The following LRP1B variants were observed in gnomAD, a reference collection of about 807,000 sequenced individuals.
LRP1B encodes LDL receptor related protein 1B.
LRP1B carries 217 observed loss-of-function variants against 556.6 expected under a neutral mutation model. The observed-to-expected ratio is 0.39, with a 90% CI of 0.35 to 0.44. The LOEUF (loss-of-function observed/expected upper bound fraction) is 0.44, where lower values mean the gene tolerates loss of function less well. Among genes scored for constraint, LRP1B ranks in the 20% least tolerant of loss-of-function variants. LRP1B has a pLI of 1.00. For missense variants in LRP1B, 5,053 were observed against 5,620.8 expected, an observed-to-expected ratio of 0.90 and a Z score of 3.23; for synonymous variants, 2,047 against 1,865.8, an observed-to-expected ratio of 1.10 and a Z score of -2.50.
At chr2:140,604,002 A>T (rs1223681676) in intron 41 of LRP1B, among the ~76,000 whole-genome samples, 1 of 152,042 alleles carries the variant, frequency 6.6e-6, no homozygotes, top group African/African-American at 2.4e-5. Context: ...TGAGATTCCT[A>T]AAACAGTTGA....
At position 141,492,783 on chromosome 2, in the gene LRP1B, A is replaced by G. The variant is rs557212954; in HGVS notation, c.206-12250T>C. On this transcript the variant is annotated intron_variant, in intron 2 of 90. Transcript: ENST00000389484. ...AGCTCAATTTAAAAGTCATAGGATG[A>G]TACAAACATTTAAATATACCAGTCC... is the stretch of plus-strand genomic sequence containing the variant. Among the ~76,000 whole-genome samples the G allele has an allele frequency of 9.2e-5, 14 of 152,294 alleles. No homozygotes were observed. In the South Asian group the frequency reaches 2.3e-3, roughly 25 times the overall value.
chr2:141,102,450 C>G (rs551330984), intron 7 of LRP1B, among the ~76,000 whole-genome samples: 1 of 151,992 alleles, frequency 6.6e-6, no homozygotes, highest in East Asian at 1.9e-4. Context: ...ATTATTGCAG[C>G]GACAAACATA....
chr2:140,700,141 T>A (rs973588943), intron 41 of LRP1B, 109 bp downstream of exon 41: 1 of 1,001,842 alleles, frequency 1.0e-6, no homozygotes, highest in Admixed American at 2.4e-5. Flanking sequence ...CATTCCTGAA[T>A]ATAAAATCTA....
At chr2:141,157,801 T>C (rs1702105720) in intron 7 of LRP1B, among the ~76,000 whole-genome samples, 1 of 152,152 alleles carries the variant, frequency 6.6e-6, no homozygotes, top group South Asian at 2.1e-4. Context: ...TTCCATGAAC[T>C]TAAGAATGAG....
chr2:141,128,535 A>G (rs553395462), intron 7 of LRP1B, among the ~76,000 whole-genome samples: 1 of 152,264 alleles, frequency 6.6e-6, no homozygotes, highest in East Asian at 1.9e-4. Flanking sequence ...CAACGCACCA[A>G]GTTTCTTCCA....
At chr2:142,070,640 C>T (rs1011610092) in intron 1 of LRP1B, among the ~76,000 whole-genome samples, 1 of 151,810 alleles carries the variant, frequency 6.6e-6, no homozygotes, top group African/African-American at 2.4e-5. Context: ...CACAGGTGCT[C>T]ACATTATAAA....
At chr2:140,865,244 T>A (rs1692912742) in intron 27 of LRP1B, among the ~76,000 whole-genome samples, 1 of 152,190 alleles carries the variant, frequency 6.6e-6, no homozygotes. Context: ...AAACTGGTGC[T>A]GAAACTTTTA....
Position 141,920,308 on chromosome 2 carries a change from T to C in LRP1B, c.83-109907A>G, listed in dbSNP as rs116373223. Among the ~76,000 whole-genome samples, 1,452 of 151,228 alleles carry C rather than the reference T, an allele frequency of 9.6e-3. 37 individuals carry two copies. Among genetic ancestry groups the C allele is most frequent in the African/African-American group, 0.033 (1,365 of 40,988 alleles). On this transcript the variant is annotated intron_variant, in intron 1 of 90. Coordinates refer to ENST00000389484, the MANE Select transcript of LRP1B (RefSeq NM_018557.3). ...GGGGGGTGGTAGGGATAATCATTTA[T>C]TTCAAACTTTAATAACAGTCATTAA... is the stretch of plus-strand genomic sequence containing the variant.
At chr2:140,407,187 A>C (rs1684777317) in intron 66 of LRP1B, among the ~76,000 whole-genome samples, 1 of 152,164 alleles carries the variant, frequency 6.6e-6, no homozygotes, top group African/African-American at 2.4e-5. Context: ...TACAAAAATC[A>C]GTTCAAGAGG....
chr2:141,951,238 C>A (rs1050264151), intron 1 of LRP1B, among the ~76,000 whole-genome samples: 1 of 151,892 alleles, frequency 6.6e-6, no homozygotes, highest in South Asian at 2.1e-4. Flanking sequence ...TTTTTGGTTA[C>A]ATAGTTAAGT....
chr2:141,976,923 A>C (rs560956080), intron 1 of LRP1B, among the ~76,000 whole-genome samples: 2 of 152,320 alleles, frequency 1.3e-5, no homozygotes, highest in South Asian at 4.1e-4. Context: ...AATGGGGAAG[A>C]CAATTTAAGG....
intron 1 of LRP1B, among the ~76,000 whole-genome samples, chr2:142,061,641 T>G (rs1164549957): frequency 6.6e-6 from 1 of 151,976 alleles, no homozygotes; most frequent in African/African-American, 2.4e-5. Flanking sequence ...ATATTTTGCA[T>G]TAACATAATT....
At chr2:141,603,458 A>G (rs368026447) in intron 2 of LRP1B, among the ~76,000 whole-genome samples, 5 of 152,152 alleles carry the variant, frequency 3.3e-5, no homozygotes, top group African/African-American at 4.8e-5. Flanking sequence ...TCATATTTCC[A>G]TAATACAGCT....
chr2:140,703,454 A>G (rs1686718706), intron 37 of LRP1B, among the ~76,000 whole-genome samples: 1 of 152,172 alleles, frequency 6.6e-6, no homozygotes, highest in Non-Finnish European at 1.5e-5. Context: ...TTAGATAAAT[A>G]TAATTCCTTC....
At chr2:141,999,415 C>T (rs996140240) in intron 1 of LRP1B, among the ~76,000 whole-genome samples, 16 of 151,824 alleles carry the variant, frequency 1.1e-4, no homozygotes, top group African/African-American at 3.9e-4. Context: ...TTAAATAACC[C>T]ATTATTTCTC....
At chr2:141,962,769 A>G (rs904558055) in intron 1 of LRP1B, among the ~76,000 whole-genome samples, 10 of 151,806 alleles carry the variant, frequency 6.6e-5, no homozygotes, top group Non-Finnish European at 1.5e-4. Flanking sequence ...CCTCAAGATA[A>G]TAGCTTCATA....
chr2:141,788,766 C>T (rs1339626736), intron 2 of LRP1B, among the ~76,000 whole-genome samples: 2 of 148,648 alleles, frequency 1.3e-5, no homozygotes, highest in African/African-American at 4.9e-5. Flanking sequence ...TCAATTCCCA[C>T]CTATGAGCGA....
chr2:141,554,005 C>A (rs1685861607), intron 2 of LRP1B, among the ~76,000 whole-genome samples: 2 of 134,348 alleles, frequency 1.5e-5, no homozygotes, highest in Non-Finnish European at 1.5e-5. Context: ...TTATATATAT[C>A]TATATTAATA....
At chr2:141,247,041 A>T (rs1369798707) in intron 5 of LRP1B, among the ~76,000 whole-genome samples, 185 bp downstream of exon 5, 1 of 152,204 alleles carries the variant, frequency 6.6e-6, no homozygotes, top group Non-Finnish European at 1.5e-5. Flanking sequence ...AAGGAGTTTT[A>T]TAATGATTAG....
Sources: allele counts gnomAD v4.1 joint callset (sites outside exome capture counted in the v4.1 genomes callset), GRCh38; gene constraint gnomAD v4.1.1; transcripts MANE v1.5; gene names NCBI Gene and HGNC (gene_info 2026-07-23, HGNC 2026-07-21).